Variants in ZNF343 observed in about 807,000 individuals in gnomAD.
ZNF343 encodes the protein zinc finger protein 343.
In ZNF343, 11 loss-of-function variants were observed where a neutral mutation model predicts 13.8. That is an observed-to-expected ratio of 0.80 (90% CI 0.50 to 1.32). The LOEUF is 1.32. Ranked by LOEUF, ZNF343 falls within the 40% of genes most tolerant of loss-of-function variation. The pLI, the probability that ZNF343 is intolerant of heterozygous loss-of-function variation, is 0.00. For missense variants in ZNF343, 658 were observed against 714.2 expected (o/e 0.92, Z 0.90); for synonymous variants, 248 against 260.0 (o/e 0.95, Z 0.44).
chr20:2,518,029 T>C lies in ZNF343; in HGVS notation c.-347+6426A>G, dbSNP rs540841023. 2.0e-5 allele frequency among the ~76,000 whole-genome samples: 3 copies of C among 151,990 alleles called. No homozygotes were observed. The highest frequency in any genetic ancestry group is 4.4e-5 in the Non-Finnish European group (3 of 67,966). On this transcript the variant is annotated intron_variant, in intron 1 of 6. Coordinates refer to the ZNF343 transcript ENST00000358413. This position sits in a 1 kb window ranked among gnomAD's most constrained non-coding sequence, Gnocchi z 4.6. ...TTTCCTTTTTTCTCTCTTTTTTTTT[T>C]TCGAGACAGAGTCTCACTCTGTTAC...
chr20:2,519,812 G>A (rs1341512679), intron 1 of ZNF343, among the ~76,000 whole-genome samples: 1 of 152,170 alleles, frequency 6.6e-6, no homozygotes. Flanking sequence ...GTTTTCAACT[G>A]TTCTGTTTAG....
chr20:2,490,882 A>C (rs1325355808), intron 5 of ZNF343, among the ~76,000 whole-genome samples: 3 of 152,202 alleles, frequency 2.0e-5, no homozygotes, highest in Non-Finnish European at 4.4e-5. Context: ...TAAAAGGAAA[A>C]ACACACACAG....
Position 2,500,668 on chromosome 20 carries a change from T to A in ZNF343, c.-162A>T, listed in dbSNP as rs6083475. 6.6e-6 allele frequency: 1 copy of A among 151,996 alleles called. No individual in the cohort carries two copies. The highest frequency in any genetic ancestry group is 2.1e-4 in the South Asian group (1 of 4,810). The allele number at this position is 151,996 out of a possible 1,614,324, so 9.4% of individuals were successfully genotyped here. A position where few individuals can be genotyped will look rare whatever the true frequency, so the allele number is the denominator to read the frequency against. ...AAGTGGTACCTACCTGATAGGAAGT[T>A]CTCGGGAGCACAGAAGTCTTTCCTT... is the stretch of plus-strand genomic sequence containing the variant. On this transcript the variant is annotated 5_prime_UTR_variant, in exon 2 of 6. Transcript: ENST00000278772.
chr20:2,519,447 C>A (rs917136854), intron 1 of ZNF343, among the ~76,000 whole-genome samples: 2 of 152,208 alleles, frequency 1.3e-5, no homozygotes, highest in Non-Finnish European at 2.9e-5. Context: ...AACAAAAAGA[C>A]CAGCCTCCTT....
chr20:2,483,872 G>A lies in ZNF343; in HGVS notation c.1089C>T (p.Ser363=), dbSNP rs750861990. 1.4e-5 allele frequency: 22 copies of A among 1,611,462 alleles called. No individual in the cohort carries two copies. Among genetic ancestry groups the A allele is most frequent in the Middle Eastern group, 3.3e-4 (2 of 6,046 alleles). Residue 363 remains serine, a synonymous_variant, in exon 6 of 6, where the codon AGC becomes AGT. Coordinates refer to ENST00000278772, the MANE Select transcript of ZNF343 (RefSeq NM_024325.6). ...YVCSECGRGF[S]EKSSFIRHQR... ...GGTGTCTGATGAAGGATGACTTCTC[G>A]CTAAAGCCTCGCCCACACTCGCTGC...
At chr20:2,503,942 C>T (rs2085611996) in intron 1 of ZNF343, among the ~76,000 whole-genome samples, 1 of 151,854 alleles carries the variant, frequency 6.6e-6, no homozygotes, top group Non-Finnish European at 1.5e-5. Context: ...TAGCAGAAGG[C>T]AAGAAATAAC....
rs2085705552 is a variant in ZNF343 at position 2,508,543 on chromosome 20, G to A, written c.-237+338C>T. ...ACCCCACAGCCCAAATAAACCCCAG[G>A]ACGCACGACTGGGGCCGCCCTCCGT... On this transcript the variant is annotated intron_variant, in intron 1 of 5. Coordinates refer to ENST00000278772, the MANE Select transcript of ZNF343 (RefSeq NM_024325.6). The surrounding 1 kb of genome is among the most constrained non-coding windows in gnomAD (Gnocchi z 4.5). 6.6e-6 allele frequency among the ~76,000 whole-genome samples: 1 copy of A among 152,138 alleles called. No individual in the cohort carries two copies. The highest frequency in any genetic ancestry group is 2.4e-5 in the African/African-American group (1 of 41,424).
chr20:2,484,117 A>T lies in ZNF343; in HGVS notation c.844T>A (p.Ser282Thr), dbSNP rs775046689. ...SDCGRSFKDR[S>T]TLIRHHRIHS... Reference sequence around the variant, plus strand: ...ATACGATGGTGTCTGATGAGGGTTGATCTATCTTTAAAGCTTCGCCCACAA... The same window carrying T: ...ATACGATGGTGTCTGATGAGGGTTGTTCTATCTTTAAAGCTTCGCCCACAA... Residue 282 changes from serine to threonine, a missense_variant, in exon 6 of 6, where the codon TCA becomes ACA. Transcript: ENST00000278772. 1.2e-6 allele frequency: 2 copies of T among 1,614,212 alleles called. No homozygotes were observed. Among genetic ancestry groups the T allele is most frequent in the African/African-American group, 2.7e-5 (2 of 75,044 alleles).
Position 2,483,883 on chromosome 20 carries a change from G to A in ZNF343, c.1078C>T (p.Arg360Ter), listed in dbSNP as rs766928129. 9 of 1,614,026 alleles carry A rather than the reference G, an allele frequency of 5.6e-6. No homozygotes were observed. The highest frequency in any genetic ancestry group is 4.5e-5 in the East Asian group (2 of 44,888). The change falls in exon 6 of 6, where the codon CGA becomes TGA. Residue 360 changes from arginine (R) to a stop codon, truncating the protein, a stop_gained. Transcript: ENST00000278772. LOFTEE classifies it low-confidence loss of function (END_TRUNC). ...EKPYVCSECG[R>*]GFSEKSSFIR... ...AAGGATGACTTCTCGCTAAAGCCTC[G>A]CCCACACTCGCTGCAAACATAGGGC...
At chr20:2,497,327 G>C (rs761343314) in intron 2 of ZNF343, among the ~76,000 whole-genome samples, 2 of 152,150 alleles carry the variant, frequency 1.3e-5, no homozygotes, top group Non-Finnish European at 2.9e-5. Flanking sequence ...GAGGAAGATG[G>C]AGGAATTGTC....
chr20:2,484,550 T>C lies in ZNF343; in HGVS notation c.411A>G (p.Ala137=), dbSNP rs1384096266. ...HVLQIFLGLC[A]ENHFHPGNSS... Reference sequence around the variant, plus strand: ...AATTCCCTGGATGGAAGTGATTTTCTGCACATAAGCCCAGGAAGATCTGAA... The same window carrying C: ...AATTCCCTGGATGGAAGTGATTTTCCGCACATAAGCCCAGGAAGATCTGAA... Residue 137 remains alanine, a synonymous_variant, in exon 6 of 6, where the codon GCA becomes GCG. Transcript: ENST00000278772. 1 of 1,614,198 alleles carries C rather than the reference T, an allele frequency of 6.2e-7. No homozygotes were observed. Among genetic ancestry groups the C allele is most frequent in the Admixed American group, 1.7e-5 (1 of 60,030 alleles).
At chr20:2,496,503 G>A (rs1329873565) in intron 2 of ZNF343, among the ~76,000 whole-genome samples, 2 of 152,148 alleles carry the variant, frequency 1.3e-5, no homozygotes, top group Non-Finnish European at 2.9e-5. Context: ...GGAGTATTTG[G>A]AGCAGAGGAA....
intron 1 of ZNF343, among the ~76,000 whole-genome samples, chr20:2,502,794 A>G (rs903838709): frequency 2.0e-5 from 3 of 152,206 alleles, no homozygotes; most frequent in Non-Finnish European, 4.4e-5. Context: ...GCCTGCCCTA[A>G]AAGACCTCCT....
chr20:2,483,295 G>A lies in ZNF343; in HGVS notation c.1666C>T (p.Arg556Ter), dbSNP rs143248617. 85 of 1,609,788 alleles carry A rather than the reference G, an allele frequency of 5.3e-5. 1 individual carries two copies. In the Middle Eastern group the frequency reaches 9.9e-4, roughly 19 times the overall value. ...EKPYVCSECGRGFSRKSLLLV... is the reference protein window; with the variant it reads ...EKPYVCSECG ...AGGAGTGATTTCCGGCTAAAGCCTC[G>A]GCCACACTCACTGCACACGTAAGGC... The change falls in exon 6 of 6, where the codon CGA becomes TGA. Residue 556 changes from arginine to a stop codon, truncating the protein, a stop_gained. Transcript: ENST00000278772. LOFTEE classifies it low-confidence loss of function (END_TRUNC).
intron 5 of ZNF343, among the ~76,000 whole-genome samples, chr20:2,487,157 T>TA (rs1317411118): frequency 6.6e-6 from 1 of 152,244 alleles, no homozygotes; most frequent in Non-Finnish European, 1.5e-5. Context: ...GTCGTGTTAT[T>TA]ATTTTGGAAC....
intron 2 of ZNF343, among the ~76,000 whole-genome samples, chr20:2,499,036 T>C (rs2085509888): frequency 6.6e-6 from 1 of 152,000 alleles, no homozygotes; most frequent in Non-Finnish European, 1.5e-5. Flanking sequence ...GACGGGGTTT[T>C]GTCATGTTGT....
At chr20:2,489,816 C>T (rs1261621145) in intron 5 of ZNF343, among the ~76,000 whole-genome samples, 1 of 151,870 alleles carries the variant, frequency 6.6e-6, no homozygotes, top group East Asian at 1.9e-4. Flanking sequence ...CTAACAATGC[C>T]CTTGAAGAAA....
intron 1 of ZNF343, among the ~76,000 whole-genome samples, chr20:2,505,523 G>C (rs987184513): frequency 6.6e-6 from 1 of 152,108 alleles, no homozygotes; most frequent in East Asian, 1.9e-4. Flanking sequence ...GAGGCATCAC[G>C]CTACCTGACT....
intron 2 of ZNF343, among the ~76,000 whole-genome samples, chr20:2,497,091 T>A (rs979804126): frequency 8.4e-4 from 49 of 58,114 alleles, no homozygotes; most frequent in African/African-American, 2.0e-3. Flanking sequence ...AAAAAAAAAA[T>A]TTTACCATCA....
Sources: gnomAD v4.1 joint callset for allele counts (sites outside exome capture counted in the v4.1 genomes callset) on GRCh38, gnomAD v4.1.1 for gene constraint, Gnocchi (gnomAD v3.1) non-coding constraint, MANE v1.5 for transcripts, NCBI Gene and HGNC (gene_info 2026-07-23, HGNC 2026-07-21) for gene names.